The following PTPRG variants were observed in gnomAD, a reference collection of about 807,000 sequenced individuals.
PTPRG encodes the protein receptor-type tyrosine-protein phosphatase gamma.
Under a neutral mutation model 165.3 loss-of-function variants are expected in PTPRG, and 102 were observed. That is an observed-to-expected ratio of 0.62 (90% CI 0.53 to 0.73). The LOEUF is 0.73. PTPRG is among the 30% of genes least tolerant of loss of function. PTPRG has a pLI of 0.00. For synonymous variants in PTPRG, 675 were observed against 669.5 expected (o/e 1.01, Z -0.13); for missense variants, 1,866 against 1,861.4 (o/e 1.00, Z -0.05).
At chr3:61,824,518 A>G (rs1206022150) in intron 2 of PTPRG, among the ~76,000 whole-genome samples, 1 of 152,228 alleles carries the variant, frequency 6.6e-6, no homozygotes, top group Non-Finnish European at 1.5e-5. Flanking sequence ...TTCAATCTCA[A>G]TGGAATCCTT....
chr3:62,243,048 T>C (rs535032169), intron 14 of PTPRG, among the ~76,000 whole-genome samples: 12 of 152,076 alleles, frequency 7.9e-5, no homozygotes, highest in Non-Finnish European at 1.5e-4. Flanking sequence ...GGCAGCTCAT[T>C]AGGGCCGCAA....
chr3:61,956,292 TCTCA>T (rs201336217), intron 2 of PTPRG, among the ~76,000 whole-genome samples: 11,075 of 112,258 alleles, frequency 0.099, 425 homozygotes, highest in Middle Eastern at 0.16. Flanking sequence ...TCTCTCTCTC[TCTCA>T]CACACACACA....
intron 2 of PTPRG, among the ~76,000 whole-genome samples, chr3:61,751,400 A>C (rs2033425542): frequency 1.3e-5 from 2 of 152,188 alleles, no homozygotes; most frequent in South Asian, 4.1e-4. Context: ...AGTGTTTCTA[A>C]ATTTAGCAAA....
At chr3:61,814,512 C>T (rs537631269) in intron 2 of PTPRG, among the ~76,000 whole-genome samples, 3 of 151,758 alleles carry the variant, frequency 2.0e-5, no homozygotes, top group Non-Finnish European at 4.4e-5. Flanking sequence ...CTAGTAGCCC[C>T]GTATGTTTTC....
chr3:61,784,285 G>T (rs771397579), intron 2 of PTPRG, among the ~76,000 whole-genome samples: 1 of 152,148 alleles, frequency 6.6e-6, no homozygotes, highest in Non-Finnish European at 1.5e-5. Context: ...GTTGGGGGAC[G>T]GGGTTAGGTG....
At chr3:62,269,010 C>T (rs1701974389) in intron 19 of PTPRG, 25 bp from the exon 20 acceptor site, 2 of 1,535,208 alleles carry the variant, frequency 1.3e-6, no homozygotes, top group South Asian at 2.6e-5. Context: ...TGCAGTTATA[C>T]TTTACAACTT....
chr3:61,890,209 C>T (rs1053770395), intron 2 of PTPRG, among the ~76,000 whole-genome samples: 3 of 152,114 alleles, frequency 2.0e-5, no homozygotes, highest in African/African-American at 7.2e-5. Flanking sequence ...GGAAAATTAT[C>T]CATAGCTTAG....
At chr3:61,825,183 G>A (rs1196709509) in intron 2 of PTPRG, among the ~76,000 whole-genome samples, 1 of 152,172 alleles carries the variant, frequency 6.6e-6, no homozygotes, top group East Asian at 1.9e-4. Context: ...TCAGGTTATT[G>A]GACAGAATTC....
intron 1 of PTPRG, among the ~76,000 whole-genome samples, chr3:61,620,921 G>A (rs561532427): frequency 2.6e-5 from 4 of 151,774 alleles, no homozygotes; most frequent in East Asian, 3.9e-4. Context: ...GAGCCACCGC[G>A]CCCGGCCTTA....
intron 4 of PTPRG, among the ~76,000 whole-genome samples, chr3:62,019,502 G>A (rs1450086850): frequency 7.2e-6 from 1 of 139,446 alleles, no homozygotes. Flanking sequence ...CAGCCTGGGT[G>A]ACAGAGTGAG....
rs568156115 is a variant in PTPRG, at chr3:62,247,086, T to A, written c.2467+3188T>A. 3.3e-5 allele frequency among the ~76,000 whole-genome samples: 5 copies of A among 152,270 alleles called. 1 individual carries two copies. In the South Asian group the frequency reaches 1.0e-3, roughly 31 times the overall value. On this transcript the variant is annotated intron_variant, in intron 15 of 29. Coordinates refer to ENST00000474889, the MANE Select transcript of PTPRG (RefSeq NM_002841.4). ...TTTTACAGTTAGCCTCTTAAAAAAT[T>A]GTTATCTAATAATTATTGAGCTTTA...
At position 62,277,070 on chromosome 3, in the gene PTPRG, T is replaced by C. The variant is rs185234784; in HGVS notation, c.3636+22T>C. The C allele has an allele frequency of 6.9e-5, 110 of 1,590,668 alleles. No homozygotes were observed. In the African/African-American group the frequency reaches 1.3e-3, roughly 19 times the overall value. ...CATGGTGAGAGTCAACAGTTAATTA[T>C]AAATAAAGTCAACTAAACTGAAAGG... On this transcript the variant is annotated intron_variant, in intron 25 of 29. Coordinates refer to ENST00000474889, the MANE Select transcript of PTPRG (RefSeq NM_002841.4).
chr3:61,591,581 A>G (rs1426748395), intron 1 of PTPRG, among the ~76,000 whole-genome samples: 1 of 152,134 alleles, frequency 6.6e-6, no homozygotes, highest in African/African-American at 2.4e-5. Flanking sequence ...CTCCTTCTCT[A>G]GGCCAGTGGC....
At chr3:62,008,949 A>G (rs2041357454) in intron 4 of PTPRG, among the ~76,000 whole-genome samples, 1 of 152,202 alleles carries the variant, frequency 6.6e-6, no homozygotes, top group Non-Finnish European at 1.5e-5. Context: ...CCCATGTGCC[A>G]TGTATATTTC....
intron 2 of PTPRG, among the ~76,000 whole-genome samples, chr3:61,932,544 T>C (rs1360217748): frequency 6.6e-6 from 1 of 152,236 alleles, no homozygotes; most frequent in African/African-American, 2.4e-5. Flanking sequence ...GCTGAGTTCT[T>C]ACTGTGTGCA....
At chr3:62,158,922 TA>T (rs968283485) in intron 7 of PTPRG, among the ~76,000 whole-genome samples, 1 of 151,826 alleles carries the variant, frequency 6.6e-6, no homozygotes, top group Non-Finnish European at 1.5e-5. Context: ...ATTGTTTCAT[TA>T]AAAAAAATAA....
intron 3 of PTPRG, among the ~76,000 whole-genome samples, chr3:61,995,084 C>CTTTTTTTTTTTTTTT (rs761499179): frequency 5.7e-5 from 2 of 35,396 alleles, no homozygotes; most frequent in East Asian, 4.9e-4. Flanking sequence ...TTCTTTCTTT[C>CTTTTTTTTTTTTTTT]TTTTTTTTTT....
intron 4 of PTPRG, among the ~76,000 whole-genome samples, chr3:62,038,730 C>G (rs973742644): frequency 2.0e-5 from 3 of 152,128 alleles, no homozygotes; most frequent in African/African-American, 7.2e-5. Context: ...GTTGTTACAG[C>G]CCACCCAAAT....
At chr3:61,628,257 G>T (rs1701667722) in intron 1 of PTPRG, among the ~76,000 whole-genome samples, 1 of 152,040 alleles carries the variant, frequency 6.6e-6, no homozygotes, top group Non-Finnish European at 1.5e-5. Flanking sequence ...CCCTTTGCTT[G>T]TAATTTTTCT....
Sources: gnomAD v4.1 joint callset for allele counts (sites outside exome capture counted in the v4.1 genomes callset) on GRCh38, gnomAD v4.1.1 for gene constraint, MANE v1.5 for transcripts, NCBI Gene and HGNC (gene_info 2026-07-23, HGNC 2026-07-21) for gene names.